PADI4: variants seen among roughly 807,000 people sequenced by gnomAD.
The protein encoded by PADI4 is protein-arginine deiminase type-4.
PADI4 carries 62 observed loss-of-function variants against 75.0 expected under a neutral mutation model. The observed-to-expected ratio is 0.83, with a 90% confidence interval of 0.67 to 1.02. The LOEUF is 1.02. Among genes scored for constraint, PADI4 ranks in the 50% least tolerant of loss-of-function variants. The pLI is 0.00. For synonymous variants in PADI4, 361 were observed against 348.1 expected (o/e 1.04, Z -0.41); for missense variants, 845 against 850.5 (o/e 0.99, Z 0.08).
intron 1 of PADI4, among the ~76,000 whole-genome samples, chr1:17,316,714 T>A (rs1369158888): frequency 8.8e-5 from 13 of 147,152 alleles, no homozygotes; most frequent in East Asian, 3.9e-4. Context: ...AATAAATTAA[T>A]TAATTAATTA....
chr1:17,322,279 G>A (rs971007604), intron 1 of PADI4, among the ~76,000 whole-genome samples: 1 of 152,218 alleles, frequency 6.6e-6, no homozygotes, highest in Non-Finnish European at 1.5e-5. Context: ...CCTGAGGTCA[G>A]GAGTTTGAGA....
At position 17,356,320 on chromosome 1, in the gene PADI4, C is replaced by T. The variant is rs1447595630; in HGVS notation, c.1456-37C>T. The stretch of plus-strand genomic sequence containing the variant: ...CCACCCTCGTTGGGAGCTCCAGGGG[C>T]AAAGCTGACTTCTAACCCCAGTGTT... On this transcript the variant is annotated intron_variant, in intron 12 of 15. Transcript: ENST00000375448. The surrounding 1 kb of genome is among the most constrained non-coding windows in gnomAD (Gnocchi z 4.1). The T allele has an allele frequency of 8.8e-6, 13 of 1,474,160 alleles. No homozygotes were observed. In the East Asian group the frequency reaches 2.6e-4, roughly 29 times the overall value. 91.3% of individuals were successfully genotyped at this position (1,474,160 alleles called of 1,614,324 possible). A position where few individuals can be genotyped will look rare whatever the true frequency, so the allele number is the denominator to read the frequency against.
rs1300640915 is a variant in PADI4 at position 17,346,769 on chromosome 1, C to T, written c.1047+630C>T. Reference sequence around the variant, plus strand: ...CCTGTCCTTCCATGCCGCACCCCTGCGGTGCTGTCTCTTGGACCCATCTCC... The same window carrying T: ...CCTGTCCTTCCATGCCGCACCCCTGTGGTGCTGTCTCTTGGACCCATCTCC... On this transcript the variant is annotated intron_variant, in intron 9 of 15. Coordinates refer to ENST00000375448, the MANE Select transcript of PADI4 (RefSeq NM_012387.3). The surrounding 1 kb of genome is among the most constrained non-coding windows in gnomAD (Gnocchi z 4.3). Among the ~76,000 whole-genome samples, 4 of 152,060 alleles carry T rather than the reference C, an allele frequency of 2.6e-5. No individual in the cohort carries two copies. The highest frequency in any genetic ancestry group is 5.9e-5 in the Non-Finnish European group (4 of 68,008).
intron 11 of PADI4, 29 bp downstream of exon 11, chr1:17,354,716 G>A (rs766058036): frequency 6.4e-7 from 1 of 1,571,046 alleles, no homozygotes; most frequent in Non-Finnish European, 8.6e-7. Context: ...GGAAGGGGTG[G>A]CCAGGACCCA....
At chr1:17,335,296 A>G (rs1297153478) in intron 3 of PADI4, among the ~76,000 whole-genome samples, 3 of 152,216 alleles carry the variant, frequency 2.0e-5, no homozygotes. Context: ...AAGACTTTAC[A>G]TTTAATCCTT....
chr1:17,345,458 CA>C (rs2074498425), intron 8 of PADI4, among the ~76,000 whole-genome samples: 1 of 152,204 alleles, frequency 6.6e-6, no homozygotes, highest in African/African-American at 2.4e-5. Flanking sequence ...TTGGAGGGGC[CA>C]GGGGCAGGAT....
intron 10 of PADI4, among the ~76,000 whole-genome samples, chr1:17,353,016 T>G (rs74629420): frequency 0.023 from 3,433 of 152,226 alleles, 155 homozygotes; most frequent in African/African-American, 0.077. Context: ...ATTCAGGGGC[T>G]TCTGAGGGGA....
chr1:17,340,679 T>G (rs1233499501), intron 6 of PADI4, among the ~76,000 whole-genome samples: 1 of 148,424 alleles, frequency 6.7e-6, no homozygotes, highest in Non-Finnish European at 1.5e-5. Context: ...AGGCGTATAT[T>G]GACTTTGGCT....
At position 17,352,018 on chromosome 1, in the gene PADI4, CGGCCAGGGAGG is replaced by C. The variant is rs2074651347; in HGVS notation, c.1156-2514_1156-2504del. Among the ~76,000 whole-genome samples the C allele has an allele frequency of 1.1e-3, 11 of 10,086 alleles. 1 individual carries two copies. Among genetic ancestry groups the C allele is most frequent in the African/African-American group, 4.0e-3 (6 of 1,510 alleles). 6.6% of individuals were successfully genotyped at this position (10,086 alleles called of 152,430 possible). The stretch of plus-strand genomic sequence containing the variant: ...GTCAGGGAGGTGATGGGAGGAGAGG[CGGCCAGGGAGG>C]TGATGGGAGGAGAGGCAGTCAGGGA... On this transcript the variant is annotated intron_variant, in intron 10 of 15. Coordinates refer to ENST00000375448, the MANE Select transcript of PADI4 (RefSeq NM_012387.3).
In PADI4 at chr1:17,355,973, G is replaced by T. The variant is rs746225570; in HGVS notation, c.1311-10G>T. 6.2e-7 allele frequency: 1 copy of T among 1,614,124 alleles called. No individual in the cohort carries two copies. The highest frequency in any genetic ancestry group is 1.7e-4 in the Middle Eastern group (1 of 6,050). The stretch of plus-strand genomic sequence containing the variant: ...CTGCCGATAACACCCCTTTAACCCT[G>T]CCATGACAGCAATGACAGCCGGCAG... On this transcript the variant is annotated splice_polypyrimidine_tract_variant and intron_variant, in intron 11 of 15. Transcript: ENST00000375448.
chr1:17,355,024 A>G (rs961927826), intron 11 of PADI4, among the ~76,000 whole-genome samples: 15 of 152,192 alleles, frequency 9.9e-5, no homozygotes, highest in African/African-American at 2.7e-4. Flanking sequence ...AGTAGACAAG[A>G]TAACTTCAAA....
intron 4 of PADI4, among the ~76,000 whole-genome samples, chr1:17,337,131 T>G (rs1226196986): frequency 7.0e-6 from 1 of 143,846 alleles, no homozygotes; most frequent in Non-Finnish European, 1.6e-5. Flanking sequence ...AACATTTTAT[T>G]TATTTATTTA....
At chr1:17,351,841 C>A (rs1241637366) in intron 10 of PADI4, among the ~76,000 whole-genome samples, 2 of 144,696 alleles carry the variant, frequency 1.4e-5, no homozygotes, top group Non-Finnish European at 3.0e-5. Context: ...AGGGGTAGAG[C>A]AGAGCAACCA....
At chr1:17,337,710 G>A (rs1420839021) in intron 4 of PADI4, among the ~76,000 whole-genome samples, 2 of 152,020 alleles carry the variant, frequency 1.3e-5, no homozygotes, top group Non-Finnish European at 2.9e-5. Flanking sequence ...GAGGTCAAGA[G>A]ATTGAGCCAT....
At chr1:17,314,438 G>A (rs2073897364) in intron 1 of PADI4, among the ~76,000 whole-genome samples, 1 of 152,220 alleles carries the variant, frequency 6.6e-6, no homozygotes, top group Non-Finnish European at 1.5e-5. Context: ...GGAGGCACCT[G>A]AGCAGAAATG....
intron 10 of PADI4, among the ~76,000 whole-genome samples, chr1:17,351,930 C>T (rs890868924): frequency 2.0e-5 from 3 of 146,836 alleles, no homozygotes; most frequent in African/African-American, 2.7e-5. Context: ...GTAGGAGAGG[C>T]GGTCAGGGAG....
chr1:17,335,709 T>C (rs1255596545), intron 3 of PADI4, among the ~76,000 whole-genome samples: 1 of 152,208 alleles, frequency 6.6e-6, no homozygotes, highest in African/African-American at 2.4e-5. Context: ...ACAACACATG[T>C]CATGAAGAGC....
At chr1:17,330,916 GGCCCA>G in intron 1 of PADI4, 48 bp from the exon 2 acceptor site, 1 of 1,227,566 alleles carries the variant, frequency 8.1e-7, no homozygotes, top group Non-Finnish European at 1.1e-6. Flanking sequence ...AGCCATGGCT[GGCCCA>G]GCCCCTCCTC....
intron 1 of PADI4, among the ~76,000 whole-genome samples, chr1:17,312,580 C>T (rs536138430): frequency 2.0e-4 from 31 of 152,078 alleles, no homozygotes; most frequent in African/African-American, 5.3e-4. Context: ...ATACATTTTC[C>T]GTGTGAGGTG....
Sources: gnomAD v4.1 joint callset for allele counts (sites outside exome capture counted in the v4.1 genomes callset) on GRCh38, gnomAD v4.1.1 for gene constraint, Gnocchi (gnomAD v3.1) non-coding constraint, MANE v1.5 for transcripts, NCBI Gene and HGNC (gene_info 2026-07-23, HGNC 2026-07-21) for gene names.